VIRMA: variants seen among roughly 807,000 people sequenced by gnomAD.
VIRMA encodes protein virilizer homolog.
Under a neutral mutation model 182.4 loss-of-function variants are expected in VIRMA, and 65 were observed. That is an observed-to-expected ratio of 0.36 (90% CI 0.29 to 0.44). The LOEUF (loss-of-function observed/expected upper bound fraction) is 0.44. VIRMA is among the 20% of genes least tolerant of loss of function. The pLI, the probability that VIRMA is intolerant of heterozygous loss-of-function variation, is 1.00. For synonymous variants in VIRMA, 709 were observed against 743.1 expected (o/e 0.95, Z 0.75); for missense variants, 1,752 against 2,158.1 (o/e 0.81, Z 3.73).
At chr8:94,535,362 A>C (rs79019181) in intron 4 of VIRMA, among the ~76,000 whole-genome samples, 22,794 of 152,252 alleles carry the variant, frequency 0.15, 2,097 homozygotes, top group South Asian at 0.3. Flanking sequence ...GGGGTCGTAG[A>C]AGGGACCAAA....
At chr8:94,520,336 A>G (rs3133643) in intron 8 of VIRMA, among the ~76,000 whole-genome samples, 1 of 151,952 alleles carries the variant, frequency 6.6e-6, no homozygotes, top group African/African-American at 2.4e-5. Context: ...TCTCTAAAAA[A>G]ATTTTTTAAT....
At chr8:94,543,768 A>G (rs1319086015) in intron 2 of VIRMA, 59 bp downstream of exon 2, 11 of 915,474 alleles carry the variant, frequency 1.2e-5, no homozygotes, top group Non-Finnish European at 1.7e-5. Context: ...TGCATTTAAG[A>G]ATATGTTTCT....
intron 21 of VIRMA, 72 bp downstream of exon 21, chr8:94,492,580 C>A: frequency 7.2e-7 from 1 of 1,394,106 alleles, no homozygotes; most frequent in South Asian, 1.3e-5. Context: ...CCGCATGTGT[C>A]TATCTTAAAA....
At chr8:94,528,185 T>G (rs1815037970) in intron 7 of VIRMA, among the ~76,000 whole-genome samples, 1 of 141,328 alleles carries the variant, frequency 7.1e-6, no homozygotes, top group Admixed American at 7.6e-5. Context: ...TGAAACAAGA[T>G]CGCACCACTG....
chr8:94,535,104 C>A lies in VIRMA; in HGVS notation c.316-97G>T, dbSNP rs890156263. 1.2e-4 allele frequency: 173 copies of A among 1,486,622 alleles called. 1 individual carries two copies. The highest frequency in any genetic ancestry group is 1.5e-4 in the Non-Finnish European group (164 of 1,124,160). 92.1% of individuals were successfully genotyped at this position (1,486,622 alleles called of 1,614,324 possible). On this transcript the variant is annotated intron_variant, in intron 4 of 23. Coordinates refer to ENST00000297591, the MANE Select transcript of VIRMA (RefSeq NM_015496.5). ...AATTAGATTGTGGTTCAACTAAAGTCTTTAAAAGTATGCTGAAAATGCAAA... is the reference window on the plus strand; with the variant it reads ...AATTAGATTGTGGTTCAACTAAAGTATTTAAAAGTATGCTGAAAATGCAAA...
intron 20 of VIRMA, among the ~76,000 whole-genome samples, 167 bp from the exon 21 acceptor site, chr8:94,492,985 AAAAC>A (rs1220685566): frequency 5.9e-5 from 9 of 152,202 alleles, no homozygotes; most frequent in East Asian, 3.8e-4. Context: ...TGGTAGTTTA[AAAAC>A]AAACACACAC....
intron 20 of VIRMA, among the ~76,000 whole-genome samples, chr8:94,493,654 AAG>A (rs1409456594): frequency 1.3e-5 from 2 of 152,364 alleles, no homozygotes; most frequent in Non-Finnish European, 2.9e-5. Flanking sequence ...TTGCACTAAA[AAG>A]AAATTAATTT....
intron 22 of VIRMA, 199 bp from the exon 23 acceptor site, chr8:94,490,281 T>A (rs1412353290): frequency 7.3e-6 from 4 of 547,934 alleles, no homozygotes; most frequent in Non-Finnish European, 6.3e-6. Flanking sequence ...AAATACTGGT[T>A]CTACCACTTG....
In VIRMA at chr8:94,517,090, A is replaced by G. The variant is rs187759715; in HGVS notation, c.2668+698T>C. 4.6e-5 allele frequency among the ~76,000 whole-genome samples: 7 copies of G among 152,364 alleles called. No homozygotes were observed. In the East Asian group the frequency reaches 1.3e-3, roughly 29 times the overall value. Reference sequence around the variant, plus strand: ...TCATATTTACTATTATTTACTTTTGAGGATAGCACAAATGTGTTACTCCAC... The same window carrying G: ...TCATATTTACTATTATTTACTTTTGGGGATAGCACAAATGTGTTACTCCAC... On this transcript the variant is annotated intron_variant, in intron 10 of 23. Transcript: ENST00000297591.
intron 16 of VIRMA, among the ~76,000 whole-genome samples, chr8:94,499,904 C>T (rs1206385375): frequency 1.3e-5 from 2 of 151,368 alleles, no homozygotes; most frequent in Admixed American, 6.6e-5. Context: ...CAAAAATTAA[C>T]GGGGGGTGGC....
rs1417058776 is a variant in VIRMA, at chr8:94,537,136, C to G, written c.282G>C (p.Glu94Asp). 1 of 1,602,672 alleles carries G rather than the reference C, an allele frequency of 6.2e-7. No homozygotes were observed. The highest frequency in any genetic ancestry group is 8.5e-7 in the Non-Finnish European group (1 of 1,169,836). ...TAGGTCTAAAGATGATGGAAGTATTCTCATCATATTCCAGGCTGTCAAGAG... is the reference window on the plus strand; with the variant it reads ...TAGGTCTAAAGATGATGGAAGTATTGTCATCATATTCCAGGCTGTCAAGAG... ...FDRLGSLEYD[E>D]NTSIIFRPNS... Residue 94 changes from glutamate (E) to aspartate (D), a missense_variant, in exon 4 of 24, where the codon GAG becomes GAC. Physicochemically the swap from Glu to Asp is conservative, Grantham distance 45. Transcript: ENST00000297591.
chr8:94,527,375 T>G lies in VIRMA; in HGVS notation c.881-12A>C. On this transcript the variant is annotated splice_polypyrimidine_tract_variant and intron_variant, in intron 7 of 23. Transcript: ENST00000297591. Reference sequence around the variant, plus strand: ...ATAACCATCATCCCCTGAAAATTAGTATGAATAATATTTAAGTATTACATC... The same window carrying G: ...ATAACCATCATCCCCTGAAAATTAGGATGAATAATATTTAAGTATTACATC... 1 of 1,471,752 alleles carries G rather than the reference T, an allele frequency of 6.8e-7. No individual in the cohort carries two copies. The highest frequency in any genetic ancestry group is 9.2e-7 in the Non-Finnish European group (1 of 1,086,744). 91.2% of individuals were successfully genotyped at this position (1,471,752 alleles called of 1,614,324 possible). A position where few individuals can be genotyped will look rare whatever the true frequency, so the allele number is the denominator to read the frequency against.
chr8:94,496,729 C>T, intron 17 of VIRMA: 1 of 339,702 alleles, frequency 2.9e-6, no homozygotes, highest in Non-Finnish European at 5.2e-6. Context: ...CAACAAAATA[C>T]CGAATGGCAA....
At chr8:94,538,421 G>A in intron 2 of VIRMA, 75 bp from the exon 3 acceptor site, 1 of 892,066 alleles carries the variant, frequency 1.1e-6, no homozygotes. Context: ...AACATAGTAA[G>A]TACAAAGTTA....
Position 94,517,853 on chromosome 8 carries a change from A to G in VIRMA, c.2603T>C (p.Leu868Pro), listed in dbSNP as rs767804293. ...CAAGAGAGATGCTGCATGTTGTTCT[A>G]GCATTTGAACATCACTGGAAGACTG... ...VVQSSSDVQM[L>P]EQHAASLLKL... The change falls in exon 10 of 24, where the codon CTA (leucine) becomes CCA (proline). Residue 868 changes from leucine to proline, a missense_variant. By Grantham distance (98) the Leu-to-Pro change is moderately conservative. This residue lies in a region of VIRMA where 777 missense variants were observed against 920.6 expected (regional missense o/e 0.84). Coordinates refer to ENST00000297591, the MANE Select transcript of VIRMA (RefSeq NM_015496.5). 4 of 1,612,984 alleles carry G rather than the reference A, an allele frequency of 2.5e-6. No homozygotes were observed. Among genetic ancestry groups the G allele is most frequent in the Non-Finnish European group, 3.4e-6 (4 of 1,179,242 alleles).
At position 94,529,208 on chromosome 8, in the gene VIRMA, C is replaced by G. The variant is rs751856504; in HGVS notation, c.742G>C (p.Gly248Arg). ...TCCACATCATCTTCATCTTCTTCTCCTTCTTCTTGTTGTTCCTCTTCTACT... is the reference window on the plus strand; with the variant it reads ...TCCACATCATCTTCATCTTCTTCTCGTTCTTCTTGTTGTTCCTCTTCTACT... ...GEVEEEQQEEGEEDEDDVDVE... is the reference protein window; with the variant it reads ...GEVEEEQQEEREEDEDDVDVE... The change falls in exon 7 of 24, where the codon GGA (glycine) becomes CGA (arginine). Residue 248 changes from glycine (G) to arginine (R), a missense_variant. By Grantham distance (125) the Gly-to-Arg change is moderately radical. This residue lies in a region of VIRMA where 114 missense variants were observed against 106.9 expected (regional missense o/e 1.07). Transcript: ENST00000297591. The G allele has an allele frequency of 1.3e-6, 2 of 1,517,364 alleles. No homozygotes were observed. The highest frequency in any genetic ancestry group is 4.5e-5 in the East Asian group (2 of 44,352). The allele number at this position is 1,517,364 out of a possible 1,614,324, so 94.0% of individuals were successfully genotyped here. A position where few individuals can be genotyped will look rare whatever the true frequency, so the allele number is the denominator to read the frequency against.
chr8:94,525,380 A>G (rs551183527), intron 8 of VIRMA, among the ~76,000 whole-genome samples: 1 of 152,186 alleles, frequency 6.6e-6, no homozygotes, highest in South Asian at 2.1e-4. Context: ...TACTCTCTTC[A>G]GGCATTTCTG....
chr8:94,506,433 G>C, intron 16 of VIRMA, 67 bp downstream of exon 16: 4 of 968,150 alleles, frequency 4.1e-6, no homozygotes, highest in Non-Finnish European at 6.3e-6. Context: ...ATTAATGTGG[G>C]GTGAAGGAGC....
intron 5 of VIRMA, 55 bp from the exon 6 acceptor site, chr8:94,531,140 A>C: frequency 6.7e-7 from 1 of 1,487,800 alleles, no homozygotes; most frequent in Non-Finnish European, 8.9e-7. Context: ...TGACCCCCGA[A>C]CAACATGGCT....
Sources: gnomAD v4.1 joint callset for allele counts (sites outside exome capture counted in the v4.1 genomes callset) on GRCh38, gnomAD v4.1.1 for gene constraint, gnomAD v4.1.1 regional missense constraint, MANE v1.5 for transcripts, NCBI Gene and HGNC (gene_info 2026-07-23, HGNC 2026-07-21) for gene names.